Variants in DMTF1 observed in about 807,000 individuals in gnomAD.
The protein encoded by DMTF1 is cyclin-D-binding Myb-like transcription factor 1.
A neutral mutation model predicts 91.1 loss-of-function variants in DMTF1; 39 were observed. The ratio of observed to expected loss-of-function variants is 0.43; its 90% CI spans 0.33 to 0.56. The LOEUF is 0.56. Ranked by LOEUF, DMTF1 falls within the 20% of genes least tolerant of loss-of-function variation. DMTF1 has a pLI of 0.05. For missense variants in DMTF1, 750 were observed against 914.5 expected (o/e 0.82, Z 2.32); for synonymous variants, 338 against 309.5 (o/e 1.09, Z -0.97).
At chr7:87,191,656 C>T (rs1362459157) in intron 14 of DMTF1, among the ~76,000 whole-genome samples, 4 of 152,046 alleles carry the variant, frequency 2.6e-5, no homozygotes, top group Non-Finnish European at 5.9e-5. Flanking sequence ...GAAAAATAGG[C>T]TAAGTGAAAG....
In DMTF1 at chr7:87,153,687, A is replaced by T. The variant is rs1004632163; in HGVS notation, c.-132+1132A>T. 2.0e-5 allele frequency among the ~76,000 whole-genome samples: 3 copies of T among 152,258 alleles called. No homozygotes were observed. The East Asian group carries it at 5.8e-4, about 29-fold the overall frequency. On this transcript the variant is annotated intron_variant, in intron 1 of 17. Coordinates refer to ENST00000331242, the MANE Select transcript of DMTF1 (RefSeq NM_001142327.2). ...CCTCCTTTCTGACAGTCGAGGCTGCATGTTGGGACGTCCTACAAAATGCAT... is the reference window on the plus strand; with the variant it reads ...CCTCCTTTCTGACAGTCGAGGCTGCTTGTTGGGACGTCCTACAAAATGCAT...
In DMTF1 at chr7:87,188,301, TGTAA is replaced by T; in HGVS notation, c.1411+3_1411+6del. The T allele has an allele frequency of 1.2e-6, 2 of 1,613,732 alleles. No individual in the cohort carries two copies. The highest frequency in any genetic ancestry group is 1.7e-6 in the Non-Finnish European group (2 of 1,179,710). On this transcript the variant is annotated splice_donor_variant and splice_donor_region_variant and intron_variant, in intron 13 of 17. Coordinates refer to ENST00000331242, the MANE Select transcript of DMTF1 (RefSeq NM_001142327.2). LOFTEE classifies it high-confidence loss of function. Reference sequence around the variant, plus strand: ...GATTCCAGTCCAGATCACCCATGTTTGTAAGTGTTTGATCTTCAAGATTCCTTGC... The same window carrying T: ...GATTCCAGTCCAGATCACCCATGTTTGTGTTTGATCTTCAAGATTCCTTGC...
intron 5 of DMTF1, among the ~76,000 whole-genome samples, chr7:87,171,665 T>C (rs1416316987): frequency 1.3e-5 from 2 of 152,190 alleles, no homozygotes; most frequent in African/African-American, 4.8e-5. Flanking sequence ...CATGAAATCC[T>C]GCAACCAACT....
intron 12 of DMTF1, chr7:87,186,198 ATTC>A (rs1798381758): frequency 1.9e-6 from 1 of 516,248 alleles, no homozygotes; most frequent in Non-Finnish European, 3.4e-6. Context: ...GTACACACTT[ATTC>A]TTGTTCTTCT....
In DMTF1 at chr7:87,175,022, T is replaced by C. The variant is rs986823933; in HGVS notation, c.519+353T>C. 4.0e-5 allele frequency among the ~76,000 whole-genome samples: 6 copies of C among 151,048 alleles called. No homozygotes were observed. The East Asian group carries it at 1.2e-3, about 29-fold the overall frequency. ...ATCTTTGTTTTGTTTTGTTTTGTTT[T>C]TGTTTTTTTTTTTTTTGAGACAGTC... On this transcript the variant is annotated intron_variant, in intron 7 of 17. Transcript: ENST00000331242.
At chr7:87,174,776 TG>T (rs1305719898) in intron 7 of DMTF1, 107 bp downstream of exon 7, 4 of 602,684 alleles carry the variant, frequency 6.6e-6, no homozygotes, top group South Asian at 2.8e-5. Context: ...TACTTATTTT[TG>T]TAATGGATTT....
At chr7:87,170,241 C>CA (rs1024323588) in intron 4 of DMTF1, among the ~76,000 whole-genome samples, 1 of 152,204 alleles carries the variant, frequency 6.6e-6, no homozygotes, top group Admixed American at 6.5e-5. Flanking sequence ...CAGCCACTCT[C>CA]ACTTGCCTTC....
At chr7:87,155,130 C>G (rs961717871) in intron 1 of DMTF1, among the ~76,000 whole-genome samples, 1 of 152,176 alleles carries the variant, frequency 6.6e-6, no homozygotes, top group Non-Finnish European at 1.5e-5. Context: ...GATTTACTGC[C>G]TGGCACATAG....
intron 1 of DMTF1, among the ~76,000 whole-genome samples, chr7:87,153,429 A>G (rs1296155501): frequency 1.3e-5 from 2 of 152,208 alleles, no homozygotes; most frequent in African/African-American, 4.8e-5. Context: ...GTTTTACCAC[A>G]ATCTCCAGAG....
At chr7:87,192,266 AAT>A (rs1347202018) in intron 14 of DMTF1, among the ~76,000 whole-genome samples, 2 of 152,150 alleles carry the variant, frequency 1.3e-5, no homozygotes, top group African/African-American at 4.8e-5. Flanking sequence ...AAACACATAT[AAT>A]ATATACATGT....
intron 11 of DMTF1, chr7:87,184,959 G>T (rs1798094580): frequency 2.1e-6 from 1 of 472,626 alleles, no homozygotes; most frequent in Non-Finnish European, 4.2e-6. Context: ...TCCTAGCCTA[G>T]GGGGAACACG....
intron 5 of DMTF1, among the ~76,000 whole-genome samples, chr7:87,171,456 T>C (rs1795057720): frequency 6.6e-6 from 1 of 152,228 alleles, no homozygotes; most frequent in East Asian, 1.9e-4. Flanking sequence ...TTTCTTACTG[T>C]GTCTTTGCTG....
At chr7:87,173,454 T>A (rs1364249101) in intron 5 of DMTF1, 81 bp from the exon 6 acceptor site, 1 of 772,128 alleles carries the variant, frequency 1.3e-6, no homozygotes, top group East Asian at 2.8e-5. Context: ...ATTACAAAGA[T>A]GAATCCGGTT....
At chr7:87,161,527 A>G (rs1458857833) in intron 1 of DMTF1, among the ~76,000 whole-genome samples, 1 of 152,192 alleles carries the variant, frequency 6.6e-6, no homozygotes, top group Non-Finnish European at 1.5e-5. Flanking sequence ...TGACAGCATA[A>G]AAACAAAAAA....
At chr7:87,180,003 AAAT>A (rs1342445383) in intron 8 of DMTF1, among the ~76,000 whole-genome samples, 2 of 152,198 alleles carry the variant, frequency 1.3e-5, no homozygotes, top group African/African-American at 2.4e-5. Flanking sequence ...AGAAGTGTGA[AAAT>A]AACTTGAAAT....
chr7:87,163,223 T>C (rs1053563257), intron 1 of DMTF1: 4 of 151,982 alleles, frequency 2.6e-5, no homozygotes, highest in Non-Finnish European at 4.4e-5. Flanking sequence ...GAGCCTGTTT[T>C]TTTTTTTTTT....
chr7:87,170,955 C>T, intron 4 of DMTF1, 40 bp from the exon 5 acceptor site: 1 of 1,291,166 alleles, frequency 7.7e-7, no homozygotes, highest in Non-Finnish European at 1.1e-6. Context: ...TTAGAACTTG[C>T]CGTTATTATT....
intron 11 of DMTF1, chr7:87,184,961 G>A (rs960558338): frequency 4.2e-6 from 2 of 471,744 alleles, no homozygotes; most frequent in African/African-American, 4.0e-5. Context: ...CTAGCCTAGG[G>A]GGAACACGTT....
intron 16 of DMTF1, 200 bp downstream of exon 16, chr7:87,194,302 T>TA: frequency 1.7e-6 from 1 of 580,756 alleles, no homozygotes; most frequent in Admixed American, 3.6e-5. Context: ...TGTTCTATCT[T>TA]ACCACAGTTC....
Sources: gnomAD v4.1 joint callset for allele counts (sites outside exome capture counted in the v4.1 genomes callset) on GRCh38, gnomAD v4.1.1 for gene constraint, MANE v1.5 for transcripts, NCBI Gene and HGNC (gene_info 2026-07-23, HGNC 2026-07-21) for gene names.